CPAMD8: variants seen among roughly 807,000 people sequenced by gnomAD.
CPAMD8 encodes C3 and PZP-like alpha-2-macroglobulin domain-containing protein 8.
In CPAMD8, 146 loss-of-function variants were observed where a neutral mutation model predicts 224.7. The observed-to-expected ratio is 0.65, with a 90% CI of 0.57 to 0.75. The LOEUF is 0.75. Among genes scored for constraint, CPAMD8 ranks in the 30% least tolerant of loss-of-function variants. CPAMD8 has a pLI of 0.00. For missense variants in CPAMD8, 2,301 were observed against 2,537.5 expected, an observed-to-expected ratio of 0.91 and a Z score of 2.00; for synonymous variants, 966 against 1,044.6, an observed-to-expected ratio of 0.92 and a Z score of 1.45.
Position 16,921,948 on chromosome 19 carries a change from A to G in CPAMD8, c.3586T>C (p.Ser1196Pro). ...TCCCGCTCCCCAAACGCGCTGTAGG[A>G]GCCATCCTGGCGCTTGTAGGTCAGC... ...RQLTYKRQDG[S>P]YSAFGERDAS... Residue 1196 changes from serine (S) to proline (P), a missense_variant, in exon 27 of 42, where the codon TCC (serine) becomes CCC (proline). Ser to Pro is a moderately conservative substitution (Grantham distance 74). Transcript: ENST00000443236. The G allele has an allele frequency of 6.5e-7, 1 of 1,548,070 alleles. No individual in the cohort carries two copies. Among genetic ancestry groups the G allele is most frequent in the African/African-American group, 1.4e-5 (1 of 73,158 alleles).
chr19:16,909,262 T>G (rs1568463393), intron 29 of CPAMD8, among the ~76,000 whole-genome samples: 5 of 152,084 alleles, frequency 3.3e-5, no homozygotes, highest in Non-Finnish European at 7.4e-5. Context: ...AAATTTTTTT[T>G]GGCTGGGCAC....
intron 3 of CPAMD8, among the ~76,000 whole-genome samples, chr19:17,015,169 A>G (rs1449964304): frequency 6.6e-6 from 1 of 152,150 alleles, no homozygotes; most frequent in Non-Finnish European, 1.5e-5. Context: ...TTGAACCCAG[A>G]AGGCAGAGGT....
intron 20 of CPAMD8, among the ~76,000 whole-genome samples, chr19:16,948,962 G>A (rs1381588497): frequency 3.2e-5 from 3 of 92,982 alleles, no homozygotes; most frequent in Non-Finnish European, 6.5e-5. Context: ...AGGGGAGGGG[G>A]AGGGGAAGGG....
intron 41 of CPAMD8, chr19:16,895,768 G>A: frequency 2.6e-6 from 1 of 382,080 alleles, no homozygotes; most frequent in Non-Finnish European, 5.3e-6. Flanking sequence ...TTTTAGATTA[G>A]GGATGCTGAA....
At chr19:17,022,592 G>A (rs575980318) in intron 1 of CPAMD8, among the ~76,000 whole-genome samples, 13 of 151,436 alleles carry the variant, frequency 8.6e-5, no homozygotes, top group South Asian at 2.1e-4. Flanking sequence ...TCCACCTCCC[G>A]GGTTCAAGGG....
intron 23 of CPAMD8, among the ~76,000 whole-genome samples, chr19:16,935,739 C>A (rs904247832): frequency 6.6e-6 from 1 of 152,094 alleles, no homozygotes; most frequent in African/African-American, 2.4e-5. Context: ...GAACATAAGT[C>A]TTTGTTTCTC....
intron 20 of CPAMD8, among the ~76,000 whole-genome samples, chr19:16,948,557 G>A (rs1358243587): frequency 2.0e-5 from 3 of 151,832 alleles, no homozygotes; most frequent in Non-Finnish European, 2.9e-5. Flanking sequence ...CACCAGCTTG[G>A]CCAACATGAG....
intron 40 of CPAMD8, 23 bp from the exon 41 acceptor site, chr19:16,896,349 CGGGAGGGCGTGGCG>C (rs2051988163): frequency 7.0e-6 from 11 of 1,579,546 alleles, no homozygotes; most frequent in Non-Finnish European, 8.6e-6. Flanking sequence ...GGGCCTCGGT[CGGGAGGGCGTGGCG>C]GGGAGGGGAC....
At chr19:16,946,617 GGT>G (rs1178792383) in intron 21 of CPAMD8, among the ~76,000 whole-genome samples, 1 of 128,774 alleles carries the variant, frequency 7.8e-6, no homozygotes, top group Non-Finnish European at 1.6e-5. Flanking sequence ...GTGGATTTGT[GGT>G]GTGTGTATGC....
chr19:16,940,618 G>GTCTA (rs1323902292), intron 22 of CPAMD8, among the ~76,000 whole-genome samples: 6 of 152,152 alleles, frequency 3.9e-5, no homozygotes, highest in African/African-American at 1.4e-4. Flanking sequence ...ATTGTCATGT[G>GTCTA]TCTATACTGA....
intron 29 of CPAMD8, among the ~76,000 whole-genome samples, chr19:16,910,039 A>C (rs887586913): frequency 2.0e-5 from 3 of 150,620 alleles, no homozygotes; most frequent in African/African-American, 7.3e-5. Flanking sequence ...TTTAGTAGAG[A>C]TAAGCTTTTG....
At position 16,897,813 on chromosome 19, in the gene CPAMD8, G is replaced by T; in HGVS notation, c.4955-12C>A. 1 of 1,575,254 alleles carries T rather than the reference G, an allele frequency of 6.3e-7. No individual in the cohort carries two copies. Among genetic ancestry groups the T allele is most frequent in the Admixed American group, 1.8e-5 (1 of 54,056 alleles). The stretch of plus-strand genomic sequence containing the variant: ...AGTGGCCTCGAAGGCTACGGGACGA[G>T]GGTGGCGGGTGACCAAGTGCAGGCG... On this transcript the variant is annotated splice_polypyrimidine_tract_variant and intron_variant, in intron 38 of 41. Transcript: ENST00000443236.
In CPAMD8 at chr19:16,896,647, G is replaced by A; in HGVS notation, c.5084C>T (p.Ser1695Leu). The A allele has an allele frequency of 6.8e-7, 1 of 1,470,184 alleles. No individual in the cohort carries two copies. Among genetic ancestry groups the A allele is most frequent in the East Asian group, 2.7e-5 (1 of 36,716 alleles). The allele number at this position is 1,470,184 out of a possible 1,614,324, so 91.1% of individuals were successfully genotyped here. ...CTCCTCAGGGGCCACGGCAGGGCCC[G>A]ACTCGCCGGGGAACCAGCCTGGGGG... ...ARGPGWFPGE[S>L]GPAVAPEEGA... The change falls in exon 40 of 42, where the codon TCG becomes TTG. Residue 1695 changes from serine (S) to leucine (L), a missense_variant. Transcript: ENST00000443236.
In CPAMD8 at chr19:17,022,150, GA is replaced by G. The variant is rs760123672; in HGVS notation, c.123del (p.Arg42AlafsTer10). ...PGYLIAAPSV[F>X]RAGVEEVISV... The stretch of plus-strand genomic sequence containing the variant: ...CTGATGACTTCCTCCACGCCCGCGC[GA>G]AAAACAGAGGGAGCTGCAATCAAGT... On this transcript the variant is annotated frameshift_variant, in exon 2 of 42. Coordinates refer to ENST00000443236, the MANE Select transcript of CPAMD8 (RefSeq NM_015692.5). LOFTEE classifies it high-confidence loss of function. 3 of 1,609,914 alleles carry G rather than the reference GA, an allele frequency of 1.9e-6. No homozygotes were observed. In the Admixed American group the frequency reaches 5.0e-5, roughly 27 times the overall value.
chr19:16,898,026 C>A lies in CPAMD8; in HGVS notation c.4849-32G>T, dbSNP rs748708713. ...GGCAGCGGCGGGCGCAGGCTCGACC[C>A]GGGCCAGGAGGCCCGGGGCGCTGAG... On this transcript the variant is annotated intron_variant, in intron 37 of 41. Transcript: ENST00000443236. The surrounding 1 kb of genome is among the most constrained non-coding windows in gnomAD (Gnocchi z 4.2). 7.1e-6 allele frequency: 11 copies of A among 1,559,222 alleles called. No individual in the cohort carries two copies. In the South Asian group the frequency reaches 1.0e-4, roughly 15 times the overall value.
intron 29 of CPAMD8, chr19:16,910,468 CTTT>C (rs35578232): frequency 3.7e-4 from 53 of 142,598 alleles, no homozygotes; most frequent in Admixed American, 3.5e-4. Flanking sequence ...CTGGGCCCGC[CTTT>C]TTTTTTTTTT....
chr19:16,983,987 C>G (rs539357158), intron 13 of CPAMD8, among the ~76,000 whole-genome samples: 1 of 152,062 alleles, frequency 6.6e-6, no homozygotes, highest in Admixed American at 6.6e-5. Flanking sequence ...CAGTGTAGTA[C>G]CAGCATAAGG....
rs753308051 is a variant in CPAMD8, at chr19:16,903,871, A to G, written c.4252-14T>C. 3.1e-6 allele frequency: 5 copies of G among 1,611,642 alleles called. No homozygotes were observed. The Admixed American group carries it at 8.3e-5, about 27-fold the overall frequency. The stretch of plus-strand genomic sequence containing the variant: ...CACGCAGGTGTCCTGGGGATGGAGG[A>G]GGAGACGGCCATCAACCCTGAGACT... On this transcript the variant is annotated splice_polypyrimidine_tract_variant and intron_variant, in intron 32 of 41. Transcript: ENST00000443236.
chr19:16,975,269 A>C lies in CPAMD8; in HGVS notation c.1909-11T>G. On this transcript the variant is annotated splice_polypyrimidine_tract_variant and intron_variant, in intron 16 of 41. Coordinates refer to ENST00000443236, the MANE Select transcript of CPAMD8 (RefSeq NM_015692.5). ...CAGTTCCTGGAAAACCTGCAGGCAAAGGGGGACAGAGACTTGTCAGCTGAA... is the reference window on the plus strand; with the variant it reads ...CAGTTCCTGGAAAACCTGCAGGCAACGGGGGACAGAGACTTGTCAGCTGAA... 1.9e-6 allele frequency: 3 copies of C among 1,594,256 alleles called. No homozygotes were observed. The highest frequency in any genetic ancestry group is 2.6e-6 in the Non-Finnish European group (3 of 1,168,992).
Sources: allele counts gnomAD v4.1 joint callset (sites outside exome capture counted in the v4.1 genomes callset), GRCh38; gene constraint gnomAD v4.1.1; non-coding constraint Gnocchi (gnomAD v3.1); transcripts MANE v1.5; gene names NCBI Gene and HGNC (gene_info 2026-07-23, HGNC 2026-07-21).